Variants in SH2D7 observed in about 807,000 individuals in gnomAD.
SH2D7 encodes SH2 domain-containing protein 7.
Under a neutral mutation model 40.8 loss-of-function variants are expected in SH2D7, and 32 were observed. That is an observed-to-expected ratio of 0.78 (90% CI 0.59 to 1.05). SH2D7 has a LOEUF of 1.05. Ranked by LOEUF, SH2D7 falls within the 50% of genes least tolerant of loss-of-function variation. The probability of loss-of-function intolerance (pLI) is 0.00; values close to 1 mark genes in which losing one functional copy is unlikely to be tolerated. For synonymous variants in SH2D7, 195 were observed against 221.5 expected, an observed-to-expected ratio of 0.88 and a Z score of 1.06; for missense variants, 559 against 566.6, an observed-to-expected ratio of 0.99 and a Z score of 0.14.
chr15:78,103,233 C>A (rs910975771), intron 5 of SH2D7, among the ~76,000 whole-genome samples: 1 of 152,184 alleles, frequency 6.6e-6, no homozygotes, highest in African/African-American at 2.4e-5. Context: ...CCTCCTTCTT[C>A]CCCTTCTCTC....
chr15:78,096,715 G>A (rs891929018), intron 2 of SH2D7, among the ~76,000 whole-genome samples: 2 of 151,202 alleles, frequency 1.3e-5, no homozygotes, highest in Non-Finnish European at 2.9e-5. Flanking sequence ...TGATCAAGCT[G>A]GTCTTGAACT....
At position 78,101,028 on chromosome 15, in the gene SH2D7, G is replaced by A; in HGVS notation, c.775G>A (p.Glu259Lys). The A allele has an allele frequency of 2.5e-6, 4 of 1,612,676 alleles. No homozygotes were observed. The highest frequency in any genetic ancestry group is 3.4e-6 in the Non-Finnish European group (4 of 1,179,306). Reference sequence around the variant, plus strand: ...CCAGGCACGGCTAGGCTTGGGCACAGAGGGGTCCGGCAGGCATGGGCCAGT... The same window carrying A: ...CCAGGCACGGCTAGGCTTGGGCACAAAGGGGTCCGGCAGGCATGGGCCAGT... ...MNQARLGLGTEGSGRHGPVPA... is the reference protein window; with the variant it reads ...MNQARLGLGTKGSGRHGPVPA... Residue 259 changes from glutamate (E) to lysine (K), a missense_variant, in exon 5 of 6, where the codon GAG becomes AAG. Coordinates refer to ENST00000328828, the MANE Select transcript of SH2D7 (RefSeq NM_001101404.2).
intron 1 of SH2D7, 55 bp from the exon 2 acceptor site, chr15:78,094,057 T>C: frequency 6.6e-7 from 1 of 1,518,572 alleles, no homozygotes; most frequent in Non-Finnish European, 8.9e-7. Flanking sequence ...TAAGTCAGGC[T>C]GCACCTGCTG....
chr15:78,097,193 G>A (rs2073977853), intron 2 of SH2D7, among the ~76,000 whole-genome samples: 1 of 152,246 alleles, frequency 6.6e-6, no homozygotes, highest in South Asian at 2.1e-4. Context: ...GCGTCGGAAT[G>A]GTGGCTACCT....
chr15:78,092,490 G>T (rs1206920313), upstream of SH2D7: 3 of 1,354,064 alleles, frequency 2.2e-6, no homozygotes, highest in African/African-American at 4.4e-5. Flanking sequence ...GGGCCCTTGG[G>T]TAGGGCACGG....
At chr15:78,099,426 G>A (rs1346369771) in intron 4 of SH2D7, among the ~76,000 whole-genome samples, 1 of 151,418 alleles carries the variant, frequency 6.6e-6, no homozygotes, top group East Asian at 1.9e-4. Context: ...GATTTCCCCT[G>A]CCTGCGCCTC....
chr15:78,094,507 T>G (rs1234562834), intron 2 of SH2D7, among the ~76,000 whole-genome samples: 1 of 151,704 alleles, frequency 6.6e-6, no homozygotes, highest in African/African-American at 2.4e-5. Flanking sequence ...GTGGTTGGGG[T>G]TTAGGAGGGT....
chr15:78,099,036 C>CA, intron 4 of SH2D7, among the ~76,000 whole-genome samples: 1 of 150,200 alleles, frequency 6.7e-6, no homozygotes, highest in Non-Finnish European at 1.5e-5. Flanking sequence ...TTTTTTGAGA[C>CA]AGAGTCTCGC....
Position 78,098,470 on chromosome 15 carries a change from C to G in SH2D7, c.519C>G (p.Phe173Leu). ...VDPENPPATA[F>L]LTVVPDKAAS... ...CAGAAAACCCACCTGCCACGGCATT[C>G]CTCACAGTGGTCCCCGACAAGGCCG... Residue 173 changes from phenylalanine to leucine, a missense_variant, in exon 4 of 6, where the codon TTC becomes TTG. By Grantham distance (22) the Phe-to-Leu change is conservative. Transcript: ENST00000328828. 1 of 1,614,044 alleles carries G rather than the reference C, an allele frequency of 6.2e-7. No homozygotes were observed. The highest frequency in any genetic ancestry group is 8.5e-7 in the Non-Finnish European group (1 of 1,179,892).
chr15:78,103,209 G>C (rs986338917), intron 5 of SH2D7, among the ~76,000 whole-genome samples: 2 of 152,122 alleles, frequency 1.3e-5, no homozygotes, highest in East Asian at 3.9e-4. Context: ...GGTGAGGCTC[G>C]CCACCCTTTC....
In SH2D7 at chr15:78,098,486, G is replaced by A. The variant is rs765479825; in HGVS notation, c.535G>A (p.Asp179Asn). The A allele has an allele frequency of 8.7e-6, 14 of 1,613,798 alleles. No individual in the cohort carries two copies. The highest frequency in any genetic ancestry group is 4.5e-5 in the East Asian group (2 of 44,888). Residue 179 changes from aspartate to asparagine, a missense_variant, in exon 4 of 6, where the codon GAC becomes AAC. Physicochemically the swap from Asp to Asn is conservative, Grantham distance 23. Transcript: ENST00000328828. Reference protein sequence around the residue: ...PATAFLTVVPDKAASPRSSPK... With the variant: ...PATAFLTVVPNKAASPRSSPK... ...CACGGCATTCCTCACAGTGGTCCCCGACAAGGCCGCCAGCCCCCGCTCTTC... is the reference window on the plus strand; with the variant it reads ...CACGGCATTCCTCACAGTGGTCCCCAACAAGGCCGCCAGCCCCCGCTCTTC...
At chr15:78,102,820 A>G (rs1290056687) in intron 5 of SH2D7, among the ~76,000 whole-genome samples, 1 of 152,052 alleles carries the variant, frequency 6.6e-6, no homozygotes, top group Non-Finnish European at 1.5e-5. Context: ...CTATACCCAG[A>G]GACAATAAAA....
In SH2D7 at chr15:78,094,186, A is replaced by T. The variant is rs752628824; in HGVS notation, c.251A>T (p.Tyr84Phe). Residue 84 changes from tyrosine to phenylalanine, a missense_variant, in exon 2 of 6, where the codon TAC (tyrosine) becomes TTC (phenylalanine). Physicochemically the swap from Tyr to Phe is conservative, Grantham distance 22. Transcript: ENST00000328828. The stretch of plus-strand genomic sequence containing the variant: ...CGCCTCAGTGACCGAGCCACTGGCT[A>T]CATCTTGTCCTACAGGTAAGAGGGG... Reference protein sequence around the residue: ...LIRLSDRATGYILSYRGSDRC... With the variant: ...LIRLSDRATGFILSYRGSDRC... The T allele has an allele frequency of 6.2e-7, 1 of 1,609,438 alleles. No individual in the cohort carries two copies. The highest frequency in any genetic ancestry group is 8.5e-7 in the Non-Finnish European group (1 of 1,178,002).
At chr15:78,099,409 T>G (rs1241724998) in intron 4 of SH2D7, among the ~76,000 whole-genome samples, 1 of 151,872 alleles carries the variant, frequency 6.6e-6, no homozygotes, top group Non-Finnish European at 1.5e-5. Flanking sequence ...GCATCCTGGA[T>G]CCAAGTGATT....
chr15:78,092,630 G>T lies in SH2D7; in HGVS notation c.46G>T (p.Gly16Trp). 1 of 1,556,702 alleles carries T rather than the reference G, an allele frequency of 6.4e-7. No homozygotes were observed. The highest frequency in any genetic ancestry group is 8.7e-7 in the Non-Finnish European group (1 of 1,150,132). The change falls in exon 1 of 6, where the codon GGG (glycine) becomes TGG (tryptophan). Residue 16 changes from glycine (G) to tryptophan (W), a missense_variant. Physicochemically the swap from Gly to Trp is radical, Grantham distance 184. Transcript: ENST00000328828. ...KQLSLGRDPE[G>W]AGDSQALAEL... ...GCTCAGCCTGGGGAGAGATCCTGAGGGGGCAGGGGACAGCCAGGCCCTGGC... is the reference window on the plus strand; with the variant it reads ...GCTCAGCCTGGGGAGAGATCCTGAGTGGGCAGGGGACAGCCAGGCCCTGGC...
At position 78,098,374 on chromosome 15, in the gene SH2D7, A is replaced by C. The variant is rs768227502; in HGVS notation, c.433-10A>C. On this transcript the variant is annotated splice_polypyrimidine_tract_variant and intron_variant, in intron 3 of 5. Coordinates refer to ENST00000328828, the MANE Select transcript of SH2D7 (RefSeq NM_001101404.2). ...GTGACCACATACCTGCCGTATCCGC[A>C]TGCTCCCAGCCAGAGGACAATGATC... 6.2e-7 allele frequency: 1 copy of C among 1,612,656 alleles called. No homozygotes were observed. Among genetic ancestry groups the C allele is most frequent in the Non-Finnish European group, 8.5e-7 (1 of 1,179,818 alleles).
chr15:78,098,137 A>G, intron 3 of SH2D7, 43 bp downstream of exon 3: 2 of 1,554,978 alleles, frequency 1.3e-6, no homozygotes, highest in Non-Finnish European at 1.7e-6. Context: ...CAGGGCAGAG[A>G]GCCCAGGCCT....
intron 2 of SH2D7, among the ~76,000 whole-genome samples, chr15:78,097,435 G>A (rs1019327158): frequency 1.5e-4 from 23 of 152,170 alleles, no homozygotes; most frequent in African/African-American, 4.3e-4. Context: ...GGGGGTGGGA[G>A]CTGGAACTCC....
At chr15:78,095,947 AT>A (rs2073969354) in intron 2 of SH2D7, among the ~76,000 whole-genome samples, 1 of 152,034 alleles carries the variant, frequency 6.6e-6, no homozygotes, top group South Asian at 2.1e-4. Flanking sequence ...GGTTCAAGCA[AT>A]TCTCCTGTCT....
Sources: allele counts gnomAD v4.1 joint callset (sites outside exome capture counted in the v4.1 genomes callset), GRCh38; gene constraint gnomAD v4.1.1; transcripts MANE v1.5; gene names NCBI Gene and HGNC (gene_info 2026-07-23, HGNC 2026-07-21).